The following FHIT variants were observed in gnomAD, a reference collection of about 807,000 sequenced individuals.
FHIT encodes the protein fragile histidine triad diadenosine triphosphatase.
Under a neutral mutation model 17.9 loss-of-function variants are expected in FHIT, and 19 were observed. That is an observed-to-expected ratio of 1.06 (90% CI 0.74 to 1.56). The LOEUF (loss-of-function observed/expected upper bound fraction) is 1.56. FHIT is among the 40% of genes most tolerant of loss of function. The pLI, the probability that FHIT is intolerant of heterozygous loss-of-function variation, is 0.00. For synonymous variants in FHIT, 81 were observed against 69.7 expected (o/e 1.16, Z -0.81); for missense variants, 248 against 189.2 (o/e 1.31, Z -1.82).
chr3:60,925,153 G>A (rs186186631), intron 3 of FHIT, among the ~76,000 whole-genome samples: 68 of 152,300 alleles, frequency 4.5e-4, no homozygotes, highest in African/African-American at 1.6e-3. Context: ...TTATCCAGGA[G>A]AACTTCCCCA....
At chr3:61,232,486 T>C (rs1453369577) in intron 1 of FHIT, among the ~76,000 whole-genome samples, 2 of 152,236 alleles carry the variant, frequency 1.3e-5, no homozygotes, top group African/African-American at 2.4e-5. Flanking sequence ...ATTTCCCATA[T>C]ATGCCCACCA....
intron 2 of FHIT, among the ~76,000 whole-genome samples, chr3:61,150,121 GATAA>G (rs143230279): frequency 0.051 from 7,820 of 152,158 alleles, 237 homozygotes; most frequent in Middle Eastern, 0.12. Context: ...GAGATATAAT[GATAA>G]ATGAGTCCAA....
At chr3:61,194,522 C>T (rs2038802021) in intron 2 of FHIT, among the ~76,000 whole-genome samples, 1 of 152,116 alleles carries the variant, frequency 6.6e-6, no homozygotes, top group South Asian at 2.1e-4. Flanking sequence ...AGCTAATGAG[C>T]ATTATTAAAT....
chr3:59,983,446 T>A (rs1423289307), intron 7 of FHIT, among the ~76,000 whole-genome samples: 1 of 152,104 alleles, frequency 6.6e-6, no homozygotes, highest in East Asian at 1.9e-4. Flanking sequence ...AGACCACAAT[T>A]ATTAACTTTG....
chr3:60,614,817 TTTG>T lies in FHIT; in HGVS notation c.-17-77841_-17-77839del, dbSNP rs782721214. On this transcript the variant is annotated intron_variant, in intron 4 of 9. Coordinates refer to ENST00000492590, the MANE Select transcript of FHIT (RefSeq NM_002012.4). ...AAAAAATTGCAAAAGTTGTTTTTTT[TTTG>T]TTTTTTTTTTGTTTTTTTTTTGTTT... Among the ~76,000 whole-genome samples, 6 of 82,156 alleles carry T rather than the reference TTTG, an allele frequency of 7.3e-5. 1 individual carries two copies. The highest frequency in any genetic ancestry group is 1.2e-4 in the Non-Finnish European group (4 of 34,050). The allele number at this position is 82,156 out of a possible 152,430, so 53.9% of individuals were successfully genotyped here.
At chr3:60,777,227 C>T (rs1172191462) in intron 4 of FHIT, among the ~76,000 whole-genome samples, 5 of 152,156 alleles carry the variant, frequency 3.3e-5, no homozygotes, top group Non-Finnish European at 7.3e-5. Flanking sequence ...TCAGAAGGTC[C>T]TGAGAACATG....
At chr3:61,043,664 T>C (rs146522949) in intron 2 of FHIT, among the ~76,000 whole-genome samples, 213 of 152,320 alleles carry the variant, frequency 1.4e-3, no homozygotes, top group Middle Eastern at 6.8e-3. Context: ...CATCTGAGAA[T>C]GGACAGACTG....
chr3:61,097,317 T>C (rs750083081), intron 2 of FHIT, among the ~76,000 whole-genome samples: 22 of 152,268 alleles, frequency 1.4e-4, no homozygotes, highest in African/African-American at 4.8e-4. Context: ...AGCGCAAACA[T>C]GTACCACATG....
chr3:60,013,845 A>G (rs1700231788), intron 6 of FHIT, among the ~76,000 whole-genome samples, 162 bp downstream of exon 6: 1 of 152,160 alleles, frequency 6.6e-6, no homozygotes, highest in Non-Finnish European at 1.5e-5. Context: ...CTTGGGGCCA[A>G]TGGACAGTAG....
chr3:60,203,155 A>C (rs1349757027), intron 5 of FHIT, among the ~76,000 whole-genome samples: 1 of 152,224 alleles, frequency 6.6e-6, no homozygotes, highest in African/African-American at 2.4e-5. Flanking sequence ...GATGCTAACT[A>C]TAGAGAGTTT....
Position 59,793,174 on chromosome 3 carries a change from C to G in FHIT, c.349-40853G>C, listed in dbSNP as rs73839173. On this transcript the variant is annotated intron_variant, in intron 8 of 9. Coordinates refer to ENST00000492590, the MANE Select transcript of FHIT (RefSeq NM_002012.4). ...TCCCCCTGACCCCTTAAAAATTCACCTACACTCAAGTTTTTGCATCTAATT... is the reference window on the plus strand; with the variant it reads ...TCCCCCTGACCCCTTAAAAATTCACGTACACTCAAGTTTTTGCATCTAATT... Among the ~76,000 whole-genome samples the G allele has an allele frequency of 9.8e-3, 1,496 of 152,226 alleles. 31 individuals are homozygous for G. The highest frequency in any genetic ancestry group is 0.034 in the African/African-American group (1,430 of 41,512).
intron 3 of FHIT, among the ~76,000 whole-genome samples, chr3:60,841,374 G>A (rs1553745012): frequency 6.6e-6 from 1 of 152,200 alleles, no homozygotes; most frequent in East Asian, 1.9e-4. Flanking sequence ...CACTAGACAA[G>A]GGAGAATAAT....
chr3:60,332,509 C>T (rs1333283285), intron 5 of FHIT, among the ~76,000 whole-genome samples: 2 of 152,190 alleles, frequency 1.3e-5, no homozygotes, highest in South Asian at 4.1e-4. Context: ...GACAAACTAG[C>T]TGGATCATTC....
rs550059827 is a variant in FHIT, at chr3:59,807,921, C to G, written c.349-55600G>C. Among the ~76,000 whole-genome samples the G allele has an allele frequency of 2.0e-5, 3 of 152,302 alleles. No homozygotes were observed. The South Asian group carries it at 6.2e-4, about 32-fold the overall frequency. On this transcript the variant is annotated intron_variant, in intron 8 of 9. Transcript: ENST00000492590. ...AGCAATTTATATGTCTGTGGTGAAA[C>G]ATACACACATAACGTAAAATCCACC...
chr3:59,927,733 C>A (rs1282647179), intron 7 of FHIT, among the ~76,000 whole-genome samples: 1 of 152,074 alleles, frequency 6.6e-6, no homozygotes, highest in East Asian at 1.9e-4. Flanking sequence ...CGTGCCACTG[C>A]ACTCCAGCCT....
intron 5 of FHIT, among the ~76,000 whole-genome samples, chr3:60,016,317 G>T (rs1174162455): frequency 6.6e-6 from 1 of 152,128 alleles, no homozygotes; most frequent in South Asian, 2.1e-4. Context: ...TAAAGGAAGC[G>T]AAGGTCAATA....
chr3:61,030,114 C>G (rs1575869407), intron 3 of FHIT, among the ~76,000 whole-genome samples: 1 of 152,142 alleles, frequency 6.6e-6, no homozygotes, highest in South Asian at 2.1e-4. Flanking sequence ...GGACTACAGG[C>G]ATGTACCACC....
At chr3:60,378,187 C>T (rs997092846) in intron 5 of FHIT, among the ~76,000 whole-genome samples, 2 of 151,550 alleles carry the variant, frequency 1.3e-5, no homozygotes, top group East Asian at 2.0e-4. Flanking sequence ...CCACTATGCC[C>T]GGCTAATTTT....
intron 5 of FHIT, among the ~76,000 whole-genome samples, chr3:60,231,005 C>A (rs1704468935): frequency 6.6e-6 from 1 of 152,170 alleles, no homozygotes; most frequent in South Asian, 2.1e-4. Flanking sequence ...CACTCCTGGC[C>A]TTAAAATATT....
Sources: allele counts gnomAD v4.1 joint callset (sites outside exome capture counted in the v4.1 genomes callset), GRCh38; gene constraint gnomAD v4.1.1; transcripts MANE v1.5; gene names NCBI Gene and HGNC (gene_info 2026-07-23, HGNC 2026-07-21).